RAP1GAP2: variants seen among roughly 807,000 people sequenced by gnomAD.
RAP1GAP2 encodes RAP1 GTPase activating protein 2, also known as rap1 GTPase-activating protein 2.
Under a neutral mutation model 95.0 loss-of-function variants are expected in RAP1GAP2, and 27 were observed. That is an observed-to-expected ratio of 0.28 (90% CI 0.21 to 0.39). The LOEUF (loss-of-function observed/expected upper bound fraction) is 0.39. RAP1GAP2 is among the 10% of genes least tolerant of loss of function. The probability of loss-of-function intolerance (pLI) is 1.00; values close to 1 mark genes in which losing one functional copy is unlikely to be tolerated. For synonymous variants in RAP1GAP2, 373 were observed against 380.9 expected (o/e 0.98, Z 0.24); for missense variants, 771 against 970.0 (o/e 0.79, Z 2.72).
intron 3 of RAP1GAP2, among the ~76,000 whole-genome samples, chr17:2,910,500 G>A (rs2042336482): frequency 6.6e-6 from 1 of 152,162 alleles, no homozygotes; most frequent in Non-Finnish European, 1.5e-5. Flanking sequence ...TCTGTTCTTT[G>A]AGCCTCGGGC....
chr17:2,774,481 T>A (rs2068454514), upstream of RAP1GAP2, among the ~76,000 whole-genome samples: 1 of 330 alleles, frequency 3.0e-3, no homozygotes, highest in Non-Finnish European at 9.4e-3. Flanking sequence ...CCTGCTATCG[T>A]TTTTTTTTTT....
intron 2 of RAP1GAP2, among the ~76,000 whole-genome samples, chr17:2,895,009 C>T (rs1181250792): frequency 6.6e-6 from 1 of 152,196 alleles, no homozygotes; most frequent in Non-Finnish European, 1.5e-5. Flanking sequence ...CAGCATGCGG[C>T]ACCTTTTCCC....
chr17:2,896,716 G>A (rs553005060), intron 2 of RAP1GAP2, among the ~76,000 whole-genome samples: 2 of 152,336 alleles, frequency 1.3e-5, no homozygotes, highest in East Asian at 1.9e-4. Flanking sequence ...TGGTCTGCCC[G>A]TAGGGTCCTG....
upstream of RAP1GAP2, among the ~76,000 whole-genome samples, chr17:2,793,710 A>T (rs2068990556): frequency 6.6e-6 from 1 of 152,238 alleles, no homozygotes; most frequent in Non-Finnish European, 1.5e-5. Context: ...TACTGGCTTT[A>T]GGAATAACTC....
At chr17:2,983,980 G>T (rs35986739) in intron 10 of RAP1GAP2, among the ~76,000 whole-genome samples, 19,777 of 152,212 alleles carry the variant, frequency 0.13, 1,528 homozygotes, top group Admixed American at 0.2. Context: ...CCACACATCT[G>T]CGTTTAACAG....
intron 2 of RAP1GAP2, among the ~76,000 whole-genome samples, chr17:2,818,039 T>C (rs1054823027): frequency 1.3e-5 from 2 of 151,758 alleles, no homozygotes; most frequent in African/African-American, 4.8e-5. Flanking sequence ...GGTTTCACTG[T>C]GTTAGCCAGG....
At chr17:2,863,839 C>G (rs1338092430) in intron 2 of RAP1GAP2, among the ~76,000 whole-genome samples, 2 of 152,110 alleles carry the variant, frequency 1.3e-5, no homozygotes, top group Non-Finnish European at 1.5e-5. Context: ...GGCGGATCAC[C>G]TGAGGTCGGG....
At chr17:2,792,455 T>G (rs1442914950), upstream of RAP1GAP2, among the ~76,000 whole-genome samples, 2 of 152,118 alleles carry the variant, frequency 1.3e-5, no homozygotes, top group Non-Finnish European at 2.9e-5. Context: ...CCAAGGTCGC[T>G]GGGCCCCAAG....
chr17:2,849,373 C>T (rs1457332839), intron 2 of RAP1GAP2, among the ~76,000 whole-genome samples: 2 of 152,166 alleles, frequency 1.3e-5, no homozygotes, highest in South Asian at 2.1e-4. Flanking sequence ...GACGAGGTGG[C>T]GTCTGCTGCA....
intron 2 of RAP1GAP2, among the ~76,000 whole-genome samples, chr17:2,861,215 C>T (rs2072373959): frequency 6.6e-6 from 1 of 152,022 alleles, no homozygotes; most frequent in Admixed American, 6.6e-5. Flanking sequence ...CCAGTCATTA[C>T]TGCTTTACCC....
At chr17:3,002,586 G>A (rs1400949266) in intron 14 of RAP1GAP2, among the ~76,000 whole-genome samples, 1 of 152,230 alleles carries the variant, frequency 6.6e-6, no homozygotes, top group Non-Finnish European at 1.5e-5. Flanking sequence ...AGGCTCAGGG[G>A]CTGTGGCAAA....
chr17:2,939,272 T>G (rs1327799805), intron 3 of RAP1GAP2, among the ~76,000 whole-genome samples: 1 of 152,154 alleles, frequency 6.6e-6, no homozygotes, highest in Non-Finnish European at 1.5e-5. Flanking sequence ...GTATTTTTAG[T>G]AGAGACGGGC....
chr17:2,781,696 GT>G (rs1429116760), intron 1 of RAP1GAP2, among the ~76,000 whole-genome samples: 1 of 136,670 alleles, frequency 7.3e-6, no homozygotes, highest in African/African-American at 2.8e-5. Flanking sequence ...AGGTCTCTGT[GT>G]GTGCACGTCT....
rs868686498 is a variant in RAP1GAP2, at chr17:2,896,816, G to T, written c.81-8468G>T. On this transcript the variant is annotated intron_variant, in intron 2 of 24. Coordinates refer to ENST00000254695, the MANE Select transcript of RAP1GAP2 (RefSeq NM_015085.5). ...ATCTAATGCACCTGGAGGGCAGCAG[G>T]AGTGTCTTCTGAAGCTGCAGCCCGA... Among the ~76,000 whole-genome samples, 9 of 152,234 alleles carry T rather than the reference G, an allele frequency of 5.9e-5. No homozygotes were observed. The South Asian group carries it at 6.2e-4, about 10-fold the overall frequency.
chr17:2,777,845 G>A (rs923384695), intron 1 of RAP1GAP2, among the ~76,000 whole-genome samples: 1 of 152,130 alleles, frequency 6.6e-6, no homozygotes, highest in Non-Finnish European at 1.5e-5. Flanking sequence ...TGACCCTGGG[G>A]CCATCCCTCA....
At chr17:2,900,492 A>G (rs1665313656) in intron 2 of RAP1GAP2, among the ~76,000 whole-genome samples, 1 of 152,026 alleles carries the variant, frequency 6.6e-6, no homozygotes, top group Non-Finnish European at 1.5e-5. Flanking sequence ...CCCAGGCTGG[A>G]GTGCCATGGT....
At chr17:2,897,715 T>A (rs9910861) in intron 2 of RAP1GAP2, among the ~76,000 whole-genome samples, 121,666 of 151,670 alleles carry the variant, frequency 0.8, 49,049 homozygotes, top group Admixed American at 0.89. Flanking sequence ...GATTTGGAAG[T>A]GGGGCCTCTT....
chr17:2,879,403 A>AC (rs1380788252), intron 2 of RAP1GAP2, among the ~76,000 whole-genome samples: 3 of 151,468 alleles, frequency 2.0e-5, no homozygotes, highest in Non-Finnish European at 2.9e-5. Context: ...GGCGTGAGCC[A>AC]CTGCGCCCGG....
At chr17:2,793,765 C>T (rs1440520938), upstream of RAP1GAP2, among the ~76,000 whole-genome samples, 2 of 152,198 alleles carry the variant, frequency 1.3e-5, no homozygotes, top group Non-Finnish European at 2.9e-5. Flanking sequence ...TCAGCTGGTT[C>T]CTGGCACAGC....
Sources: allele counts gnomAD v4.1 joint callset (sites outside exome capture counted in the v4.1 genomes callset), GRCh38; gene constraint gnomAD v4.1.1; transcripts MANE v1.5; gene names NCBI Gene and HGNC (gene_info 2026-07-23, HGNC 2026-07-21).